PRELID2: variants seen among roughly 807,000 people sequenced by gnomAD.
PRELID2 encodes PRELI domain-containing protein 2.
In PRELID2, 25 loss-of-function variants were observed where a neutral mutation model predicts 28.4. That is an observed-to-expected ratio of 0.88 (90% CI 0.64 to 1.23). The LOEUF is 1.23. Among genes scored for constraint, PRELID2 ranks in the 50% most tolerant of loss-of-function variants. PRELID2 has a pLI of 0.00. For synonymous variants in PRELID2, 76 were observed against 71.6 expected, an observed-to-expected ratio of 1.06 and a Z score of -0.31; for missense variants, 201 against 214.4, an observed-to-expected ratio of 0.94 and a Z score of 0.39.
At chr5:145,733,385 A>G (rs917858206) in intron 1 of PRELID2, among the ~76,000 whole-genome samples, 10 of 152,244 alleles carry the variant, frequency 6.6e-5, no homozygotes, top group African/African-American at 2.4e-4. Flanking sequence ...TGGATTAAAT[A>G]ATATAAAATC....
intron 1 of PRELID2, among the ~76,000 whole-genome samples, chr5:145,720,836 C>CATTG (rs1402660972): frequency 6.6e-6 from 1 of 151,850 alleles, no homozygotes; most frequent in African/African-American, 2.4e-5. Context: ...AGAATAAATG[C>CATTG]ATTGATTGTT....
At chr5:145,475,028 C>A (rs531244981) in intron 1 of PRELID2, among the ~76,000 whole-genome samples, 1 of 152,276 alleles carries the variant, frequency 6.6e-6, no homozygotes, top group South Asian at 2.1e-4. Context: ...AAAGACTATT[C>A]TCTGGGTTCC....
intron 1 of PRELID2, among the ~76,000 whole-genome samples, chr5:145,536,640 G>A (rs1386103835): frequency 1.3e-5 from 2 of 151,880 alleles, no homozygotes; most frequent in Non-Finnish European, 2.9e-5. Context: ...CTCCCTCGGA[G>A]TCCATAGGGG....
chr5:145,414,819 G>C, the PRELID2 span, among the ~76,000 whole-genome samples: 3 of 152,146 alleles, frequency 2.0e-5, no homozygotes, highest in Non-Finnish European at 4.4e-5. Flanking sequence ...ATAATATGCA[G>C]CACAATGGCA....
At chr5:145,740,708 TAATATA>T (rs1158984631) in intron 1 of PRELID2, among the ~76,000 whole-genome samples, 1 of 119,970 alleles carries the variant, frequency 8.3e-6, no homozygotes, top group Non-Finnish European at 1.6e-5. Flanking sequence ...ATATTAAATA[TAATATA>T]AATATATTAC....
At chr5:145,411,878 G>C in the PRELID2 span, among the ~76,000 whole-genome samples, 2 of 152,170 alleles carry the variant, frequency 1.3e-5, no homozygotes, top group Admixed American at 1.3e-4. Flanking sequence ...CACACCTGCA[G>C]GCTCAATACC....
chr5:145,611,658 C>G (rs1021180808), intron 1 of PRELID2, among the ~76,000 whole-genome samples: 1 of 152,146 alleles, frequency 6.6e-6, no homozygotes, highest in Non-Finnish European at 1.5e-5. Flanking sequence ...AAAGAATATA[C>G]TATTATCAGA....
the PRELID2 span, among the ~76,000 whole-genome samples, chr5:145,308,683 T>C: frequency 6.6e-6 from 1 of 152,188 alleles, no homozygotes; most frequent in Non-Finnish European, 1.5e-5. Flanking sequence ...AAGCATTTAA[T>C]AGTTTGAGGA....
intron 1 of PRELID2, among the ~76,000 whole-genome samples, chr5:145,706,786 A>T (rs1755560397): frequency 6.6e-6 from 1 of 152,220 alleles, no homozygotes; most frequent in South Asian, 2.1e-4. Context: ...GTTACCTATG[A>T]AACATAAATA....
the PRELID2 span, among the ~76,000 whole-genome samples, chr5:145,287,213 T>G: frequency 4.6e-5 from 7 of 152,170 alleles, no homozygotes; most frequent in African/African-American, 1.7e-4. Context: ...TATACTATGT[T>G]TTTTTCCTAT....
intron 1 of PRELID2, among the ~76,000 whole-genome samples, chr5:145,643,061 T>C (rs1391233579): frequency 6.6e-6 from 1 of 152,198 alleles, no homozygotes; most frequent in African/African-American, 2.4e-5. Context: ...AGAAAGTCAA[T>C]GGTAGCTTGA....
At chr5:145,413,108 C>T in the PRELID2 span, among the ~76,000 whole-genome samples, 1 of 151,984 alleles carries the variant, frequency 6.6e-6, no homozygotes. Flanking sequence ...AGACTAATAT[C>T]CAGAACCCAC....
intron 1 of PRELID2, among the ~76,000 whole-genome samples, chr5:145,626,133 T>C (rs1681597444): frequency 6.6e-6 from 1 of 152,288 alleles, no homozygotes; most frequent in Non-Finnish European, 1.5e-5. Flanking sequence ...AAATAATTTA[T>C]GACTAGGTCT....
the PRELID2 span, among the ~76,000 whole-genome samples, chr5:145,440,417 C>T: frequency 2.0e-5 from 3 of 152,076 alleles, no homozygotes; most frequent in South Asian, 6.2e-4. Context: ...TAGTTTATTT[C>T]TTACTTTCAG....
the PRELID2 span, among the ~76,000 whole-genome samples, chr5:145,321,102 AG>A: frequency 6.6e-6 from 1 of 152,202 alleles, no homozygotes; most frequent in South Asian, 2.1e-4. Context: ...TTTGCTTCCA[AG>A]CCCCAGGTTC....
the PRELID2 span, among the ~76,000 whole-genome samples, chr5:145,289,921 G>C: frequency 6.6e-6 from 1 of 152,104 alleles, no homozygotes; most frequent in African/African-American, 2.4e-5. Context: ...TATTTTGCCA[G>C]ACTTTTTGCC....
chr5:145,551,246 C>G (rs931765073), intron 1 of PRELID2, among the ~76,000 whole-genome samples: 1 of 151,736 alleles, frequency 6.6e-6, no homozygotes. Flanking sequence ...ACTAAAAATA[C>G]AAAAATTAGC....
chr5:145,729,433 G>C (rs1476815598), intron 1 of PRELID2: 2 of 362,368 alleles, frequency 5.5e-6, no homozygotes, highest in Non-Finnish European at 9.9e-6. Context: ...ACTTGCCCAG[G>C]TTCCTTCTAA....
chr5:145,652,078 A>C (rs559838502), intron 1 of PRELID2, among the ~76,000 whole-genome samples: 20 of 152,242 alleles, frequency 1.3e-4, no homozygotes, highest in Non-Finnish European at 2.8e-4. Flanking sequence ...TGGAGCTGAA[A>C]ACCATGGCAC....
Sources: gnomAD v4.1 joint callset for allele counts (sites outside exome capture counted in the v4.1 genomes callset) on GRCh38, gnomAD v4.1.1 for gene constraint, MANE v1.5 for transcripts, NCBI Gene and HGNC (gene_info 2026-07-23, HGNC 2026-07-21) for gene names.